The following CHTF8 variants were observed in gnomAD, a reference collection of about 807,000 sequenced individuals.
CHTF8 encodes chromosome transmission fidelity factor 8.
A neutral mutation model predicts 11.0 loss-of-function variants in CHTF8; 6 were observed. That is an observed-to-expected ratio of 0.55 (90% CI 0.30 to 1.08). The LOEUF is 1.08. Ranked by LOEUF, CHTF8 falls within the 50% of genes least tolerant of loss-of-function variation. CHTF8 has a pLI of 0.07. For missense variants in CHTF8, 140 were observed against 153.1 expected, an observed-to-expected ratio of 0.91 and a Z score of 0.45; for synonymous variants, 53 against 60.5, an observed-to-expected ratio of 0.88 and a Z score of 0.57.
chr16:69,121,605 G>C (rs971757524), intron 1 of CHTF8, 112 bp from the exon 2 acceptor site: 3 of 616,210 alleles, frequency 4.9e-6, no homozygotes, highest in Admixed American at 3.3e-5. Flanking sequence ...AGCCTCCCGA[G>C]TAGCTGGGAA....
intron 1 of CHTF8, among the ~76,000 whole-genome samples, chr16:69,122,612 G>A (rs552902132): frequency 6.7e-6 from 1 of 150,288 alleles, no homozygotes; most frequent in East Asian, 2.0e-4. Flanking sequence ...ATGATCTCAG[G>A]TCACTGCAAC....
At chr16:69,122,495 C>T (rs1402195052) in intron 1 of CHTF8, among the ~76,000 whole-genome samples, 1 of 150,816 alleles carries the variant, frequency 6.6e-6, no homozygotes, top group Non-Finnish European at 1.5e-5. Flanking sequence ...GCCTCAGCCT[C>T]TTGAGTAGCT....
chr16:69,127,412 G>A (rs1367634632), intron 1 of CHTF8, among the ~76,000 whole-genome samples: 1 of 152,080 alleles, frequency 6.6e-6, no homozygotes, highest in Non-Finnish European at 1.5e-5. Flanking sequence ...ATATGTCTAA[G>A]TCTTCAGTCT....
At chr16:69,122,810 G>A (rs1035834307) in intron 1 of CHTF8, among the ~76,000 whole-genome samples, 68 of 151,968 alleles carry the variant, frequency 4.5e-4, no homozygotes, top group African/African-American at 1.6e-3. Context: ...CCAAAGTGCT[G>A]GGATTACAGG....
chr16:69,119,961 C>A lies in CHTF8; in HGVS notation c.*464G>T. The A allele has an allele frequency of 1.4e-6, 1 of 700,760 alleles. No homozygotes were observed. The highest frequency in any genetic ancestry group is 2.6e-6 in the Non-Finnish European group (1 of 383,318). 43.4% of individuals were successfully genotyped at this position (700,760 alleles called of 1,614,324 possible). A position where few individuals can be genotyped will look rare whatever the true frequency, so the allele number is the denominator to read the frequency against. On this transcript the variant is annotated 3_prime_UTR_variant, in exon 4 of 4. Coordinates refer to ENST00000448552, the MANE Select transcript of CHTF8 (RefSeq NM_001039690.5). ...GGAGACCACCTGCCCTTGGGTTGGA[C>A]ATAGGACCTGGTCCTGGGAGACCCC...
Position 69,120,917 on chromosome 16 carries a change from C to T in CHTF8, c.141+136G>A, listed in dbSNP as rs761811094. On this transcript the variant is annotated intron_variant, in intron 3 of 3. Coordinates refer to ENST00000448552, the MANE Select transcript of CHTF8 (RefSeq NM_001039690.5). This position sits in a 1 kb window ranked among gnomAD's most constrained non-coding sequence, Gnocchi z 4.0. ...TGCTACTGCAGAGGTAGGGGGAGAA[C>T]AAGCAGAGAGCATCGCAGATTAGCT... 1 of 832,216 alleles carries T rather than the reference C, an allele frequency of 1.2e-6. No homozygotes were observed. Among genetic ancestry groups the T allele is most frequent in the Non-Finnish European group, 2.1e-6 (1 of 470,066 alleles). The allele number at this position is 832,216 out of a possible 1,614,324, so 51.6% of individuals were successfully genotyped here.
chr16:69,131,651 TC>T (rs1962530330), intron 1 of CHTF8, among the ~76,000 whole-genome samples: 1 of 146,996 alleles, frequency 6.8e-6, no homozygotes. Flanking sequence ...TAACCCCTTT[TC>T]CTGCCTCCCA....
Position 69,119,265 on chromosome 16 carries a change from G to T in CHTF8, c.*1160C>A, listed in dbSNP as rs540471675. On this transcript the variant is annotated 3_prime_UTR_variant, in exon 4 of 4. Transcript: ENST00000448552. ...TTGGATTTGAGCCCTGGAGGCCAGC[G>T]GACCTTTGGAAGGTAGCTGGGTTTG... The T allele has an allele frequency of 1.4e-6, 1 of 703,020 alleles. No individual in the cohort carries two copies. The highest frequency in any genetic ancestry group is 2.6e-6 in the Non-Finnish European group (1 of 384,986). The allele number at this position is 703,020 out of a possible 1,614,324, so 43.5% of individuals were successfully genotyped here.
In CHTF8 at chr16:69,118,567, A is replaced by G; in HGVS notation, c.*1858T>C. The G allele has an allele frequency of 1.3e-6, 1 of 770,864 alleles. No individual in the cohort carries two copies. Among genetic ancestry groups the G allele is most frequent in the Non-Finnish European group, 2.3e-6 (1 of 430,558 alleles). 47.8% of individuals were successfully genotyped at this position (770,864 alleles called of 1,614,324 possible). The stretch of plus-strand genomic sequence containing the variant: ...AAGAACAATTCAAGAAACTAGTAAG[A>G]AACAATGGGCAGAAAGCTGTGGGAC... On this transcript the variant is annotated 3_prime_UTR_variant, in exon 4 of 4. Transcript: ENST00000448552.
At chr16:69,127,288 C>G (rs1300806230) in intron 1 of CHTF8, among the ~76,000 whole-genome samples, 1 of 150,746 alleles carries the variant, frequency 6.6e-6, no homozygotes, top group African/African-American at 2.4e-5. Flanking sequence ...GTGCCCCCAT[C>G]CCCTTGAGAG....
chr16:69,124,420 CAG>C (rs1194895780), intron 1 of CHTF8, among the ~76,000 whole-genome samples: 1 of 152,038 alleles, frequency 6.6e-6, no homozygotes, highest in Non-Finnish European at 1.5e-5. Flanking sequence ...AAATGTTAAA[CAG>C]ATTTTTTTTT....
At chr16:69,129,459 A>C (rs948884036) in intron 1 of CHTF8, among the ~76,000 whole-genome samples, 1 of 151,642 alleles carries the variant, frequency 6.6e-6, no homozygotes. Flanking sequence ...AAGGAAGAAA[A>C]GTAAAGTCCA....
intron 1 of CHTF8, among the ~76,000 whole-genome samples, chr16:69,126,055 A>G (rs1002359386): frequency 2.0e-5 from 3 of 152,248 alleles, no homozygotes; most frequent in African/African-American, 2.4e-5. Flanking sequence ...AAGGCTCAAT[A>G]ATGCACACAG....
Position 69,118,858 on chromosome 16 carries a change from G to C in CHTF8, c.*1567C>G. ...GTCCTGGAGGGAAAATGGTGTTTAA[G>C]GGGGCAACATTCCATTTGGGTACAT... On this transcript the variant is annotated 3_prime_UTR_variant, in exon 4 of 4. Coordinates refer to ENST00000448552, the MANE Select transcript of CHTF8 (RefSeq NM_001039690.5). 1 of 701,728 alleles carries C rather than the reference G, an allele frequency of 1.4e-6. No individual in the cohort carries two copies. Among genetic ancestry groups the C allele is most frequent in the South Asian group, 1.5e-5 (1 of 67,512 alleles). 43.5% of individuals were successfully genotyped at this position (701,728 alleles called of 1,614,324 possible). A position where few individuals can be genotyped will look rare whatever the true frequency, so the allele number is the denominator to read the frequency against.
chr16:69,118,443 A>G lies in CHTF8; in HGVS notation c.*1982T>C. ...GAAGCATGGTCCGTTCACCAACGCCACGTTTCTAGAGAGCAGTGAGCTGAT... is the reference window on the plus strand; with the variant it reads ...GAAGCATGGTCCGTTCACCAACGCCGCGTTTCTAGAGAGCAGTGAGCTGAT... On this transcript the variant is annotated 3_prime_UTR_variant, in exon 4 of 4. Transcript: ENST00000448552. The G allele has an allele frequency of 1.2e-6, 2 of 1,609,568 alleles. No individual in the cohort carries two copies.
chr16:69,127,594 C>G (rs1335912214), intron 1 of CHTF8, among the ~76,000 whole-genome samples: 1 of 150,474 alleles, frequency 6.6e-6, no homozygotes, highest in Admixed American at 6.6e-5. Context: ...AAGAGCTCTC[C>G]CGGCAACTTT....
rs759329610 is a variant in CHTF8 at position 69,121,081 on chromosome 16, A to T, written c.113T>A (p.Leu38His). 8.7e-6 allele frequency: 14 copies of T among 1,613,954 alleles called. 1 individual carries two copies. The South Asian group carries it at 1.2e-4, about 14-fold the overall frequency. ...AGTGGTGTAATGTAGGTCTCCCAGG[A>T]GGTTTCCAGCTAATCCAGTGCTGTA... ...ARYSTGLAGN[L>H]LGDLHYTTEG... Residue 38 changes from leucine to histidine, a missense_variant, in exon 3 of 4, where the codon CTC (leucine) becomes CAC (histidine). Physicochemically the swap from Leu to His is moderately conservative, Grantham distance 99. Coordinates refer to ENST00000448552, the MANE Select transcript of CHTF8 (RefSeq NM_001039690.5).
At chr16:69,127,601 C>CTTTTT (rs71383961) in intron 1 of CHTF8, among the ~76,000 whole-genome samples, 110 of 104,396 alleles carry the variant, frequency 1.1e-3, no homozygotes, top group African/African-American at 1.3e-3. Context: ...CTCCCGGCAA[C>CTTTTT]TTTTTTTTTT....
Position 69,121,293 on chromosome 16 carries a change from CA to C in CHTF8, c.24-124del, listed in dbSNP as rs2152266925. 3 of 1,213,184 alleles carry C rather than the reference CA, an allele frequency of 2.5e-6. No homozygotes were observed. The Admixed American group carries it at 6.4e-5, about 26-fold the overall frequency. 75.2% of individuals were successfully genotyped at this position (1,213,184 alleles called of 1,614,324 possible). A position where few individuals can be genotyped will look rare whatever the true frequency, so the allele number is the denominator to read the frequency against. ...GATGTCAAGTTCTTGGGAAATTGGG[CA>C]GTGCTAGGCATGGAACTAGAGATCA... On this transcript the variant is annotated intron_variant, in intron 2 of 3. Coordinates refer to ENST00000448552, the MANE Select transcript of CHTF8 (RefSeq NM_001039690.5).
Sources: gnomAD v4.1 joint callset for allele counts (sites outside exome capture counted in the v4.1 genomes callset) on GRCh38, gnomAD v4.1.1 for gene constraint, Gnocchi (gnomAD v3.1) non-coding constraint, MANE v1.5 for transcripts, NCBI Gene and HGNC (gene_info 2026-07-23, HGNC 2026-07-21) for gene names.